Variants in DHX9 observed in about 807,000 individuals in gnomAD.
The protein encoded by DHX9 is DExH-box helicase 9, also known as ATP-dependent RNA helicase A.
Under a neutral mutation model 148.7 loss-of-function variants are expected in DHX9, and 27 were observed. The ratio of observed to expected loss-of-function variants is 0.18; its 90% CI spans 0.13 to 0.25. DHX9 has a LOEUF of 0.25. Among genes scored for constraint, DHX9 ranks in the 10% least tolerant of loss-of-function variants. The pLI, the probability that DHX9 is intolerant of heterozygous loss-of-function variation, is 1.00. For missense variants in DHX9, 796 were observed against 1,559.6 expected (o/e 0.51, Z 8.25); for synonymous variants, 529 against 516.6 (o/e 1.02, Z -0.33).
At chr1:182,847,035 C>CT (rs1437420801) in intron 3 of DHX9, among the ~76,000 whole-genome samples, 1 of 152,012 alleles carries the variant, frequency 6.6e-6, no homozygotes, top group East Asian at 1.9e-4. Context: ...ACCTTTTTCA[C>CT]TTTTAAAATC....
At chr1:182,859,425 G>A (rs1192097329) in intron 11 of DHX9, among the ~76,000 whole-genome samples, 1 of 152,298 alleles carries the variant, frequency 6.6e-6, no homozygotes, top group Non-Finnish European at 1.5e-5. Flanking sequence ...AAGAATGCGT[G>A]TGCGACTTTC....
At chr1:182,845,893 C>T (rs1668019239) in intron 3 of DHX9, among the ~76,000 whole-genome samples, 1 of 152,208 alleles carries the variant, frequency 6.6e-6, no homozygotes, top group African/African-American at 2.4e-5. Context: ...CTGCCTCGAA[C>T]ACCATTCTTC....
At chr1:182,868,085 A>G (rs1475512764) in intron 14 of DHX9, among the ~76,000 whole-genome samples, 2 of 152,216 alleles carry the variant, frequency 1.3e-5, no homozygotes, top group Non-Finnish European at 2.9e-5. Context: ...ACATCACTTC[A>G]GAGTTTCTAA....
At chr1:182,870,164 A>ATCTTT (rs1648498862) in intron 14 of DHX9, among the ~76,000 whole-genome samples, 2 of 152,232 alleles carry the variant, frequency 1.3e-5, no homozygotes, top group African/African-American at 4.8e-5. Context: ...TCCAAGAAAA[A>ATCTTT]TAAGTTTTAT....
chr1:182,841,576 C>A (rs1415487482), intron 1 of DHX9, among the ~76,000 whole-genome samples: 2 of 152,182 alleles, frequency 1.3e-5, no homozygotes, highest in African/African-American at 2.4e-5. Flanking sequence ...GCCACTCAGA[C>A]GTAACAAATT....
chr1:182,884,142 C>T (rs551182570), intron 26 of DHX9, among the ~76,000 whole-genome samples: 4 of 152,176 alleles, frequency 2.6e-5, no homozygotes, highest in Admixed American at 6.5e-5. Context: ...CGTGTGGTAG[C>T]GCACACCTGT....
At chr1:182,877,757 CT>C (rs1648879409) in intron 19 of DHX9, 1 of 375,472 alleles carries the variant, frequency 2.7e-6, no homozygotes, top group African/African-American at 2.1e-5. Flanking sequence ...ACCAAAAAAA[CT>C]ATAAGGTAGA....
chr1:182,885,622 G>T (rs1649284521), intron 27 of DHX9, among the ~76,000 whole-genome samples: 1 of 152,142 alleles, frequency 6.6e-6, no homozygotes, highest in African/African-American at 2.4e-5. Context: ...CAAAAATGAT[G>T]TATTGGCATT....
intron 3 of DHX9, among the ~76,000 whole-genome samples, chr1:182,845,716 G>T (rs115109193): frequency 6.6e-6 from 1 of 152,208 alleles, no homozygotes; most frequent in Non-Finnish European, 1.5e-5. Flanking sequence ...CTAGCTTCAA[G>T]TTATGGTTTT....
chr1:182,873,739 A>G (rs1648649574), intron 15 of DHX9, among the ~76,000 whole-genome samples: 1 of 152,208 alleles, frequency 6.6e-6, no homozygotes, highest in African/African-American at 2.4e-5. Flanking sequence ...AGAAGCAGTG[A>G]CACCCAGTAG....
Position 182,866,941 on chromosome 1 carries a change from T to C in DHX9, c.1475-20T>C. The C allele has an allele frequency of 1.9e-6, 3 of 1,590,742 alleles. No individual in the cohort carries two copies. The highest frequency in any genetic ancestry group is 2.6e-6 in the Non-Finnish European group (3 of 1,167,328). On this transcript the variant is annotated intron_variant, in intron 13 of 27. Coordinates refer to ENST00000367549, the MANE Select transcript of DHX9 (RefSeq NM_001357.5). ...TACTTTGAACTTTTCTATAGTTTAT[T>C]GATTGTTTTTCTTTTCAAGGTGTGC...
chr1:182,866,701 T>C, intron 13 of DHX9, 116 bp downstream of exon 13: 2 of 1,327,284 alleles, frequency 1.5e-6, no homozygotes, highest in South Asian at 1.5e-5. Context: ...ATTTCTTGTT[T>C]AAATAAAACT....
At chr1:182,865,770 A>G (rs1648268210) in intron 12 of DHX9, among the ~76,000 whole-genome samples, 1 of 152,228 alleles carries the variant, frequency 6.6e-6, no homozygotes, top group Admixed American at 6.5e-5. Flanking sequence ...TACATTAGGC[A>G]TGTCCTCATA....
intron 3 of DHX9, among the ~76,000 whole-genome samples, chr1:182,848,158 A>G (rs773829662): frequency 7.2e-6 from 1 of 139,446 alleles, no homozygotes; most frequent in Non-Finnish European, 1.5e-5. Flanking sequence ...ATTTAACATT[A>G]TAAACATTGT....
intron 19 of DHX9, 131 bp from the exon 20 acceptor site, chr1:182,877,890 C>A: frequency 1.0e-6 from 1 of 1,004,044 alleles, no homozygotes; most frequent in Non-Finnish European, 1.4e-6. Context: ...TTACTTGTGC[C>A]ATTCATGAAT....
chr1:182,846,625 T>G (rs983199825), intron 3 of DHX9, among the ~76,000 whole-genome samples: 4 of 152,244 alleles, frequency 2.6e-5, no homozygotes, highest in Admixed American at 2.6e-4. Flanking sequence ...CTCTCCCATA[T>G]GTAATGTGGT....
intron 22 of DHX9, 46 bp downstream of exon 22, chr1:182,880,654 T>G (rs770729521): frequency 1.6e-6 from 2 of 1,271,626 alleles, no homozygotes; most frequent in Admixed American, 1.7e-5. Context: ...CAGAATAATT[T>G]CAGAATCTTC....
intron 12 of DHX9, among the ~76,000 whole-genome samples, chr1:182,865,801 G>C (rs573759720): frequency 1.3e-5 from 2 of 152,168 alleles, no homozygotes; most frequent in Non-Finnish European, 2.9e-5. Context: ...AGTAAAGATC[G>C]TTTTTGTACT....
intron 6 of DHX9, chr1:182,855,844 TA>T: frequency 3.2e-6 from 2 of 624,402 alleles, no homozygotes; most frequent in South Asian, 1.4e-4. Flanking sequence ...AATGCATAGT[TA>T]TCAAAGGGCA....
Sources: allele counts gnomAD v4.1 joint callset (sites outside exome capture counted in the v4.1 genomes callset), GRCh38; gene constraint gnomAD v4.1.1; transcripts MANE v1.5; gene names NCBI Gene and HGNC (gene_info 2026-07-23, HGNC 2026-07-21).